Variants in CERS1 observed in about 807,000 individuals in gnomAD.
CERS1 encodes the protein ceramide synthase 1, also known as Embryonic growth/differentiation factor 1.
In CERS1, 16 loss-of-function variants were observed where a neutral mutation model predicts 35.7. The ratio of observed to expected loss-of-function variants is 0.45; its 90% CI spans 0.30 to 0.68. The LOEUF (loss-of-function observed/expected upper bound fraction) is 0.68. Ranked by LOEUF, CERS1 falls within the 30% of genes least tolerant of loss-of-function variation. CERS1 has a pLI of 0.08. For synonymous variants in CERS1, 243 were observed against 201.6 expected, an observed-to-expected ratio of 1.21 and a Z score of -1.74; for missense variants, 454 against 453.9, an observed-to-expected ratio of 1.00 and a Z score of 0.00.
intron 1 of CERS1, among the ~76,000 whole-genome samples, chr19:18,894,264 G>A (rs1211090589): frequency 6.6e-6 from 1 of 151,738 alleles, no homozygotes; most frequent in Non-Finnish European, 1.5e-5. Flanking sequence ...GGTGGGTGGC[G>A]GGGCGCGGCT....
Position 18,893,517 on chromosome 19 carries a change from G to A in CERS1, c.308C>T (p.Ala103Val). 1 of 1,610,590 alleles carries A rather than the reference G, an allele frequency of 6.2e-7. No homozygotes were observed. The stretch of plus-strand genomic sequence containing the variant: ...GCCCAGGTAGAAGAGAAACTTCCAA[G>A]CGCTCTCGGGCATCTTGGCGGCATC... ...PRDAAKMPES[A>V]WKFLFYLGSW... The change falls in exon 2 of 8, where the codon GCT (alanine) becomes GTT (valine). Residue 103 changes from alanine (A) to valine (V), a missense_variant. Coordinates refer to ENST00000623882, the MANE Select transcript of CERS1 (RefSeq NM_021267.5).
At chr19:18,872,059 G>A (rs979839863) in intron 6 of CERS1, among the ~76,000 whole-genome samples, 1 of 152,198 alleles carries the variant, frequency 6.6e-6, no homozygotes, top group African/African-American at 2.4e-5. Context: ...CCTCCAGGAT[G>A]GTCTTTAGTA....
At position 18,870,825 on chromosome 19, in the gene CERS1, T is replaced by C. The variant is rs1288147363; in HGVS notation, c.1011-206A>G. On this transcript the variant is annotated intron_variant, in intron 6 of 7. Transcript: ENST00000623882. The surrounding 1 kb of genome is among the most constrained non-coding windows in gnomAD (Gnocchi z 5.1). ...TCCTTCAACCTGCCCCGTAGGCACG[T>C]ATGTCCCCCCTGGCACCCTGGCACT... Among the ~76,000 whole-genome samples the C allele has an allele frequency of 2.0e-5, 3 of 151,906 alleles. No homozygotes were observed. Among genetic ancestry groups the C allele is most frequent in the African/African-American group, 7.3e-5 (3 of 41,340 alleles).
At position 18,878,711 on chromosome 19, in the gene CERS1, C is replaced by G. The variant is rs570006292; in HGVS notation, c.1010+219G>C. 4 of 1,382,478 alleles carry G rather than the reference C, an allele frequency of 2.9e-6. No homozygotes were observed. The highest frequency in any genetic ancestry group is 3.8e-6 in the Non-Finnish European group (4 of 1,066,088). The allele number at this position is 1,382,478 out of a possible 1,614,324, so 85.6% of individuals were successfully genotyped here. ...GACCCTGCCTGTCGCCCTGCCTGCC[C>G]CTCCCCAGCCTCTCCCTCCCCTTCC... On this transcript the variant is annotated intron_variant, in intron 6 of 7. Coordinates refer to ENST00000623882, the MANE Select transcript of CERS1 (RefSeq NM_021267.5). The surrounding 1 kb of genome is among the most constrained non-coding windows in gnomAD (Gnocchi z 4.6).
intron 4 of CERS1, 93 bp from the exon 5 acceptor site, chr19:18,879,481 C>T (rs900155517): frequency 1.4e-6 from 2 of 1,435,656 alleles, no homozygotes; most frequent in African/African-American, 2.8e-5. Flanking sequence ...CCCTTGCCCC[C>T]TTATCCCATC....
At chr19:18,884,295 G>A in intron 2 of CERS1, 28 bp from the exon 3 acceptor site, 1 of 1,591,710 alleles carries the variant, frequency 6.3e-7, no homozygotes, top group East Asian at 2.3e-5. Context: ...TCACAGTCAG[G>A]GCCCTGCGAA....
Position 18,894,319 on chromosome 19 carries a change from C to G in CERS1, c.250-744G>C, listed in dbSNP as rs377060398. Among the ~76,000 whole-genome samples, 135 of 152,210 alleles carry G rather than the reference C, an allele frequency of 8.9e-4. 2 individuals carry two copies. In the East Asian group the frequency reaches 0.016, roughly 18 times the overall value. On this transcript the variant is annotated intron_variant, in intron 1 of 7. Transcript: ENST00000623882. ...CCCCACCCCTGGACAAGTCCCACCC[C>G]CTTCCCAGAGGCTGAGGGGGCCGGA...
intron 5 of CERS1, 98 bp downstream of exon 5, chr19:18,879,143 C>G (rs1480147871): frequency 1.3e-6 from 2 of 1,589,774 alleles, no homozygotes; most frequent in African/African-American, 2.7e-5. Flanking sequence ...GGGCTGTCTG[C>G]CACCTAACGT....
At position 18,884,137 on chromosome 19, in the gene CERS1, C is replaced by A. The variant is rs763116442; in HGVS notation, c.540G>T (p.Leu180=). 1 of 1,613,516 alleles carries A rather than the reference C, an allele frequency of 6.2e-7. No individual in the cohort carries two copies. Among genetic ancestry groups the A allele is most frequent in the Non-Finnish European group, 8.5e-7 (1 of 1,179,782 alleles). Residue 180 remains leucine, a synonymous_variant, in exon 3 of 8, where the codon CTG becomes CTT. Transcript: ENST00000623882. ...DTWRKDSVVM[L]LHHVVTLILI... ...GGATGAGAGTGACCACGTGGTGGAG[C>A]AGCATGACCACCGAGTCCTTGCGCC...
intron 1 of CERS1, among the ~76,000 whole-genome samples, chr19:18,894,842 G>A (rs1221650127): frequency 6.6e-6 from 1 of 152,132 alleles, no homozygotes; most frequent in East Asian, 1.9e-4. Flanking sequence ...GCAGAGAAAG[G>A]CCCCTTTGTT....
At chr19:18,885,522 T>TTTG (rs890215539) in intron 2 of CERS1, among the ~76,000 whole-genome samples, 4 of 138,308 alleles carry the variant, frequency 2.9e-5, no homozygotes, top group African/African-American at 5.5e-5. Flanking sequence ...TTTTTTTTTT[T>TTTG]TTTTTTTTTT....
intron 2 of CERS1, among the ~76,000 whole-genome samples, chr19:18,892,043 G>A (rs752304835): frequency 1.3e-5 from 2 of 151,946 alleles, no homozygotes; most frequent in African/African-American, 2.4e-5. Context: ...ACAGGCACGC[G>A]CCACCATGCC....
At chr19:18,896,790 G>T (rs60774903), upstream of CERS1, 31,729 of 152,398 alleles carry the variant, frequency 0.21, 4,839 homozygotes, top group African/African-American at 0.43. This position sits in a 1 kb window ranked among gnomAD's most constrained non-coding sequence, Gnocchi z 5.9. Flanking sequence ...GCTTGGACGC[G>T]GGTACCCTGG....
chr19:18,868,621 C>G lies in CERS1; in HGVS notation c.*1364G>C. 6.4e-7 allele frequency: 1 copy of G among 1,569,972 alleles called. No homozygotes were observed. On this transcript the variant is annotated 3_prime_UTR_variant, in exon 8 of 8. Coordinates refer to ENST00000623882, the MANE Select transcript of CERS1 (RefSeq NM_021267.5). ...GTTAGCGGCAGCCGCACTCGTCCAC[C>G]ACCATGTCCTCATACTGCCGCAGCA...
At chr19:18,892,701 G>A (rs756443743) in intron 2 of CERS1, among the ~76,000 whole-genome samples, 17 of 152,048 alleles carry the variant, frequency 1.1e-4, no homozygotes, top group African/African-American at 3.9e-4. Context: ...CCCATGAAAC[G>A]TGAGTGCCTC....
At position 18,895,961 on chromosome 19, in the gene CERS1, T is replaced by C; in HGVS notation, c.112A>G (p.Thr38Ala). The stretch of plus-strand genomic sequence containing the variant: ...CGCGCCAGCCCCCAGCCGCAGTCCG[T>C]GCAGCCCCGCGCCGCCGCCAGCGCG... ...GSALAAARGCTDCGWGLARRG... is the reference protein window; with the variant it reads ...GSALAAARGCADCGWGLARRG... The change falls in exon 1 of 8, where the codon ACG becomes GCG. Residue 38 changes from threonine (T) to alanine (A), a missense_variant. Physicochemically the swap from Thr to Ala is moderately conservative, Grantham distance 58 (BLOSUM62 0). Transcript: ENST00000623882. This position sits in a 1 kb window ranked among gnomAD's most constrained non-coding sequence, Gnocchi z 6.4. 9.1e-7 allele frequency: 1 copy of C among 1,096,786 alleles called. No individual in the cohort carries two copies. Among genetic ancestry groups the C allele is most frequent in the Non-Finnish European group, 1.1e-6 (1 of 900,574 alleles). The allele number at this position is 1,096,786 out of a possible 1,614,324, so 67.9% of individuals were successfully genotyped here.
rs775765825 is a variant in CERS1 at position 18,878,916 on chromosome 19, C to G, written c.1010+14G>C. ...AAAGGAGGGAACGCGGGGTGCGGGC[C>G]CCTCCACACTCACTCGGCTTTGCTG... On this transcript the variant is annotated intron_variant, in intron 6 of 7. Coordinates refer to ENST00000623882, the MANE Select transcript of CERS1 (RefSeq NM_021267.5). The surrounding 1 kb of genome is among the most constrained non-coding windows in gnomAD (Gnocchi z 4.6). The G allele has an allele frequency of 6.2e-7, 1 of 1,613,072 alleles. No homozygotes were observed. Among genetic ancestry groups the G allele is most frequent in the East Asian group, 2.2e-5 (1 of 44,878 alleles).
Position 18,878,117 on chromosome 19 carries a change from C to T in CERS1, c.1010+813G>A, listed in dbSNP as rs989922717. The stretch of plus-strand genomic sequence containing the variant: ...TGCTTCCCTGAAACCATCGTTCCCA[C>T]GTCACCGATGGCCCCCACCGGCCAA... On this transcript the variant is annotated intron_variant, in intron 6 of 7. Transcript: ENST00000623882. This position sits in a 1 kb window ranked among gnomAD's most constrained non-coding sequence, Gnocchi z 4.6. The T allele has an allele frequency of 9.1e-6, 9 of 985,528 alleles. No individual in the cohort carries two copies. Among genetic ancestry groups the T allele is most frequent in the Non-Finnish European group, 9.6e-6 (8 of 830,030 alleles). 61.0% of individuals were successfully genotyped at this position (985,528 alleles called of 1,614,324 possible).
Position 18,868,727 on chromosome 19 carries a change from C to T in CERS1, c.*1258G>A. On this transcript the variant is annotated 3_prime_UTR_variant, in exon 8 of 8. Coordinates refer to ENST00000623882, the MANE Select transcript of CERS1 (RefSeq NM_021267.5). The stretch of plus-strand genomic sequence containing the variant: ...CACGCAGCAGGGCAGGTCGGCGGCT[C>T]CCGGGGCGGCCGCGTGCATGAGCGC... 6.5e-7 allele frequency: 1 copy of T among 1,536,306 alleles called. No individual in the cohort carries two copies. The highest frequency in any genetic ancestry group is 8.8e-7 in the Non-Finnish European group (1 of 1,138,258).
Sources: allele counts gnomAD v4.1 joint callset (sites outside exome capture counted in the v4.1 genomes callset), GRCh38; gene constraint gnomAD v4.1.1; non-coding constraint Gnocchi (gnomAD v3.1); transcripts MANE v1.5; gene names NCBI Gene and HGNC (gene_info 2026-07-23, HGNC 2026-07-21).